MACROD2: variants seen among roughly 807,000 people sequenced by gnomAD.
MACROD2 encodes the protein ADP-ribose glycohydrolase MACROD2.
Under a neutral mutation model 70.4 loss-of-function variants are expected in MACROD2, and 36 were observed. The ratio of observed to expected loss-of-function variants is 0.51; its 90% CI spans 0.39 to 0.68. The LOEUF (loss-of-function observed/expected upper bound fraction) is 0.68, where lower values mean the gene tolerates loss of function less well. MACROD2 is among the 30% of genes least tolerant of loss of function. The pLI, the probability that MACROD2 is intolerant of heterozygous loss-of-function variation, is 0.00. For synonymous variants in MACROD2, 172 were observed against 178.8 expected, an observed-to-expected ratio of 0.96 and a Z score of 0.30; for missense variants, 496 against 538.4, an observed-to-expected ratio of 0.92 and a Z score of 0.78.
intron 5 of MACROD2, among the ~76,000 whole-genome samples, chr20:14,697,878 C>T (rs2071145505): frequency 6.6e-6 from 1 of 152,132 alleles, no homozygotes; most frequent in African/African-American, 2.4e-5. Context: ...AGTTTCTAGG[C>T]AGTGCCTAAG....
intron 5 of MACROD2, among the ~76,000 whole-genome samples, chr20:15,013,602 T>C (rs1164063332): frequency 6.6e-6 from 1 of 152,116 alleles, no homozygotes; most frequent in Admixed American, 6.6e-5. Flanking sequence ...ACTTTTTTGC[T>C]GCAGTTCAGG....
At chr20:14,516,442 G>A (rs968190433) in intron 4 of MACROD2, among the ~76,000 whole-genome samples, 6 of 151,960 alleles carry the variant, frequency 3.9e-5, no homozygotes, top group Admixed American at 6.6e-5. Flanking sequence ...TAGGTCTTAC[G>A]TTTAAGTCTT....
At chr20:14,432,032 C>A (rs1402724666) in intron 3 of MACROD2, among the ~76,000 whole-genome samples, 3 of 152,158 alleles carry the variant, frequency 2.0e-5, no homozygotes, top group African/African-American at 7.2e-5. Context: ...CTCAATTCCT[C>A]TTTTTAAAAA....
At chr20:14,324,597 A>C (rs550412395) in intron 3 of MACROD2, 1 of 152,308 alleles carries the variant, frequency 6.6e-6, no homozygotes, top group African/African-American at 2.4e-5. Context: ...TTATAATTAC[A>C]TTACATTTTT....
intron 8 of MACROD2, among the ~76,000 whole-genome samples, chr20:15,745,398 G>T (rs532597205): frequency 6.6e-6 from 1 of 152,156 alleles, no homozygotes; most frequent in African/African-American, 2.4e-5. Flanking sequence ...TAGGCATCTG[G>T]ATTTCATTCG....
rs116309731 is a variant in MACROD2, at chr20:15,753,689, C to T, written c.646-109056C>T. Among the ~76,000 whole-genome samples, 738 of 152,284 alleles carry T rather than the reference C, an allele frequency of 4.8e-3. 4 individuals are homozygous for T. Among genetic ancestry groups the T allele is most frequent in the African/African-American group, 0.017 (707 of 41,580 alleles). ...TGTTTCAAGTTCTTTGAGAAATCTC[C>T]AACCTGCTTTCCACAATGGCTGAAC... On this transcript the variant is annotated intron_variant, in intron 8 of 17. Transcript: ENST00000684519.
chr20:14,873,378 A>C (rs988927788), intron 5 of MACROD2, among the ~76,000 whole-genome samples: 1 of 152,086 alleles, frequency 6.6e-6, no homozygotes, highest in African/African-American at 2.4e-5. Context: ...CACTAGGTTT[A>C]CATGTGTTTT....
chr20:14,894,043 C>T (rs1377418494), intron 5 of MACROD2: 1 of 152,034 alleles, frequency 6.6e-6, no homozygotes, highest in Non-Finnish European at 1.5e-5. Flanking sequence ...GCCTTGACTT[C>T]CTAAAGTGCT....
chr20:14,751,191 C>A (rs184055822), intron 5 of MACROD2, among the ~76,000 whole-genome samples: 12 of 152,268 alleles, frequency 7.9e-5, no homozygotes, highest in Admixed American at 7.2e-4. Context: ...GGCTTCCTTA[C>A]TGGCCTCCCA....
intron 5 of MACROD2, among the ~76,000 whole-genome samples, chr20:15,037,749 C>T (rs534612062): frequency 2.0e-5 from 3 of 151,888 alleles, no homozygotes; most frequent in Non-Finnish European, 4.4e-5. Context: ...CATGTATTAG[C>T]TGTATGAACA....
At chr20:14,399,141 T>C (rs897256294) in intron 3 of MACROD2, among the ~76,000 whole-genome samples, 2 of 151,838 alleles carry the variant, frequency 1.3e-5, no homozygotes, top group Admixed American at 1.3e-4. Flanking sequence ...TGCCTCAGCC[T>C]TCCGAGTAGC....
At chr20:14,398,042 C>T (rs376844382) in intron 3 of MACROD2, among the ~76,000 whole-genome samples, 2 of 151,996 alleles carry the variant, frequency 1.3e-5, no homozygotes, top group African/African-American at 2.4e-5. Flanking sequence ...GGTTCATCCA[C>T]GTTGCCATGG....
At chr20:15,479,890 G>A (rs4814382) in intron 7 of MACROD2, among the ~76,000 whole-genome samples, 125,179 of 152,226 alleles carry the variant, frequency 0.82, 51,925 homozygotes, top group East Asian at 0.94. Flanking sequence ...TATTATGTAT[G>A]TAAATATAAA....
chr20:15,661,123 A>T (rs533356870), intron 8 of MACROD2, among the ~76,000 whole-genome samples: 1 of 152,238 alleles, frequency 6.6e-6, no homozygotes, highest in South Asian at 2.1e-4. Context: ...TTTACCTTTC[A>T]GGGGACATCT....
At chr20:15,234,312 G>A (rs2076994304) in intron 6 of MACROD2, among the ~76,000 whole-genome samples, 1 of 151,256 alleles carries the variant, frequency 6.6e-6, no homozygotes. Context: ...GATTACAAGC[G>A]TGAGCCACCG....
chr20:15,828,543 A>G (rs2147113272), intron 8 of MACROD2, among the ~76,000 whole-genome samples: 1 of 152,328 alleles, frequency 6.6e-6, no homozygotes, highest in Non-Finnish European at 1.5e-5. Flanking sequence ...AGCCATGAAC[A>G]AATGTCAGAA....
intron 3 of MACROD2, among the ~76,000 whole-genome samples, chr20:14,431,474 C>CA (rs1381912656): frequency 1.3e-5 from 2 of 152,090 alleles, no homozygotes; most frequent in Non-Finnish European, 2.9e-5. Context: ...ACATATTTCA[C>CA]AAAATTGTTT....
At chr20:14,946,132 G>A (rs62202787) in intron 5 of MACROD2, among the ~76,000 whole-genome samples, 6,552 of 152,042 alleles carry the variant, frequency 0.043, 236 homozygotes, top group Non-Finnish European at 0.064. Context: ...CCAGGAGGTG[G>A]AGGTTGCAGC....
intron 4 of MACROD2, among the ~76,000 whole-genome samples, chr20:14,677,605 G>A (rs1167808700): frequency 6.6e-6 from 1 of 152,192 alleles, no homozygotes; most frequent in Non-Finnish European, 1.5e-5. Flanking sequence ...GCCTTTAGAA[G>A]GAGCTGCAGC....
Sources: allele counts gnomAD v4.1 joint callset (sites outside exome capture counted in the v4.1 genomes callset), GRCh38; gene constraint gnomAD v4.1.1; transcripts MANE v1.5; gene names NCBI Gene and HGNC (gene_info 2026-07-23, HGNC 2026-07-21).